DIAPH3: variants seen among roughly 807,000 people sequenced by gnomAD.
DIAPH3 encodes the protein protein diaphanous homolog 3.
DIAPH3 carries 117 observed loss-of-function variants against 144.3 expected under a neutral mutation model. The observed-to-expected ratio is 0.81, with a 90% CI of 0.70 to 0.95. The LOEUF is 0.95. Ranked by LOEUF, DIAPH3 falls within the 40% of genes least tolerant of loss-of-function variation. The pLI is 0.00. For synonymous variants in DIAPH3, 519 were observed against 488.9 expected (o/e 1.06, Z -0.81); for missense variants, 1,421 against 1,412.7 (o/e 1.01, Z -0.09).
chr13:59,902,712 G>A (rs757338573), intron 20 of DIAPH3, among the ~76,000 whole-genome samples: 1 of 152,128 alleles, frequency 6.6e-6, no homozygotes, highest in Non-Finnish European at 1.5e-5. Context: ...GGAGGCACAT[G>A]GTGCAGTGAG....
At chr13:59,949,314 C>G (rs1030446690) in intron 17 of DIAPH3, among the ~76,000 whole-genome samples, 1 of 152,100 alleles carries the variant, frequency 6.6e-6, no homozygotes, top group Non-Finnish European at 1.5e-5. Flanking sequence ...AGACAATGGC[C>G]TCCCATGAAT....
intron 20 of DIAPH3, among the ~76,000 whole-genome samples, chr13:59,907,892 T>C (rs1299837647): frequency 2.6e-5 from 4 of 152,148 alleles, no homozygotes; most frequent in South Asian, 2.1e-4. Context: ...GAGACATAAA[T>C]ATGAACATGA....
intron 5 of DIAPH3, among the ~76,000 whole-genome samples, chr13:60,022,380 T>C (rs141220395): frequency 6.6e-6 from 1 of 152,314 alleles, no homozygotes; most frequent in African/African-American, 2.4e-5. Flanking sequence ...GAATATTAAC[T>C]ATAGGATTTT....
intron 5 of DIAPH3, among the ~76,000 whole-genome samples, chr13:60,025,404 CAAAAA>C (rs370177105): frequency 1.5e-5 from 1 of 68,142 alleles, no homozygotes; most frequent in Non-Finnish European, 2.8e-5. Context: ...TTGTGCTTAG[CAAAAA>C]AAAAAAAAAA....
chr13:59,957,597 C>T (rs1286200062), intron 17 of DIAPH3, among the ~76,000 whole-genome samples: 1 of 152,174 alleles, frequency 6.6e-6, no homozygotes, highest in Non-Finnish European at 1.5e-5. Context: ...GAAGCTGACA[C>T]AAACTGCCGT....
chr13:59,942,630 A>T (rs1480293842), intron 17 of DIAPH3, among the ~76,000 whole-genome samples: 3 of 152,190 alleles, frequency 2.0e-5, no homozygotes, highest in Non-Finnish European at 4.4e-5. Context: ...AAACTATTGA[A>T]ATGATAGTTA....
chr13:59,831,275 G>C (rs2041763882), intron 24 of DIAPH3, among the ~76,000 whole-genome samples: 1 of 151,768 alleles, frequency 6.6e-6, no homozygotes, highest in Non-Finnish European at 1.5e-5. Flanking sequence ...CCTCATGTTT[G>C]ATAATTTGCC....
At chr13:60,053,497 T>G (rs1274251972) in intron 4 of DIAPH3, among the ~76,000 whole-genome samples, 1 of 152,164 alleles carries the variant, frequency 6.6e-6, no homozygotes, top group Non-Finnish European at 1.5e-5. Context: ...ATTAAATGTA[T>G]TCTAAGGTAC....
At chr13:59,774,079 AT>A (rs2038261134) in intron 27 of DIAPH3, 109 bp downstream of exon 27, 1 of 1,097,952 alleles carries the variant, frequency 9.1e-7, no homozygotes, top group Non-Finnish European at 1.4e-6. Context: ...CATTTTTACT[AT>A]TTTAGTTATA....
In DIAPH3 at chr13:59,716,645, C is replaced by T. The variant is rs544889705; in HGVS notation, c.3320-49799G>A. Reference sequence around the variant, plus strand: ...TTGAAGTAGACATTATTATCACCTCCATTTTACAAATATGAAACTGAATGT... The same window carrying T: ...TTGAAGTAGACATTATTATCACCTCTATTTTACAAATATGAAACTGAATGT... On this transcript the variant is annotated intron_variant, in intron 27 of 27. Transcript: ENST00000400324. 1.2e-4 allele frequency among the ~76,000 whole-genome samples: 19 copies of T among 152,258 alleles called. No homozygotes were observed. In the East Asian group the frequency reaches 3.3e-3, roughly 26 times the overall value.
At chr13:60,010,844 G>A (rs1449857949) in intron 7 of DIAPH3, among the ~76,000 whole-genome samples, 175 bp from the exon 8 acceptor site, 2 of 152,076 alleles carry the variant, frequency 1.3e-5, no homozygotes, top group East Asian at 1.9e-4. Flanking sequence ...GGTGGTTCAC[G>A]CCTGTAATCC....
chr13:59,744,151 G>A (rs560453163), intron 27 of DIAPH3, among the ~76,000 whole-genome samples: 20 of 152,136 alleles, frequency 1.3e-4, no homozygotes, highest in Middle Eastern at 3.4e-3. Context: ...TAACTTTTCA[G>A]TAAAATAATA....
intron 4 of DIAPH3, among the ~76,000 whole-genome samples, chr13:60,090,366 G>A (rs996835324): frequency 6.6e-6 from 1 of 151,218 alleles, no homozygotes; most frequent in Non-Finnish European, 1.5e-5. Context: ...TAGTTTGATT[G>A]GTGGCTTTTT....
chr13:60,083,591 C>G (rs17669965), intron 4 of DIAPH3, among the ~76,000 whole-genome samples: 8,506 of 151,906 alleles, frequency 0.056, 342 homozygotes, highest in Middle Eastern at 0.095. Flanking sequence ...TTCAGAATGT[C>G]CTGGATAAAA....
intron 21 of DIAPH3, among the ~76,000 whole-genome samples, chr13:59,878,037 T>A (rs1156742579): frequency 6.6e-6 from 1 of 152,168 alleles, no homozygotes; most frequent in Non-Finnish European, 1.5e-5. Flanking sequence ...CATTTCATCA[T>A]AATTAATGGT....
chr13:59,706,273 T>G (rs1280470564), intron 27 of DIAPH3, among the ~76,000 whole-genome samples: 4 of 152,216 alleles, frequency 2.6e-5, no homozygotes, highest in Non-Finnish European at 5.9e-5. Context: ...TGTGGTTGGT[T>G]GCGGCCACGG....
At chr13:59,705,443 C>T (rs953588044) in intron 27 of DIAPH3, among the ~76,000 whole-genome samples, 7 of 152,242 alleles carry the variant, frequency 4.6e-5, no homozygotes, top group East Asian at 3.9e-4. Flanking sequence ...AAATTTTTCC[C>T]CCTGAAAGTA....
At chr13:59,951,108 T>A (rs536914285) in intron 17 of DIAPH3, among the ~76,000 whole-genome samples, 1 of 151,990 alleles carries the variant, frequency 6.6e-6, no homozygotes, top group East Asian at 1.9e-4. Context: ...ACTGATGAGG[T>A]TTGGTTGCAT....
chr13:59,765,435 T>C (rs2037821486), intron 27 of DIAPH3, among the ~76,000 whole-genome samples: 1 of 152,212 alleles, frequency 6.6e-6, no homozygotes, highest in South Asian at 2.1e-4. Context: ...TACACTTTCA[T>C]TTAGTCTTCC....
Sources: allele counts gnomAD v4.1 joint callset (sites outside exome capture counted in the v4.1 genomes callset), GRCh38; gene constraint gnomAD v4.1.1; transcripts MANE v1.5; gene names NCBI Gene and HGNC (gene_info 2026-07-23, HGNC 2026-07-21).